Variants in MEDAG observed in about 807,000 individuals in gnomAD.
MEDAG encodes the protein mesenteric estrogen-dependent adipogenesis protein.
In MEDAG, 25 loss-of-function variants were observed where a neutral mutation model predicts 29.9. That is an observed-to-expected ratio of 0.84 (90% CI 0.61 to 1.17). MEDAG has a LOEUF of 1.17. Ranked by LOEUF, MEDAG falls within the 50% of genes most tolerant of loss-of-function variation. MEDAG has a pLI of 0.00. For synonymous variants in MEDAG, 158 were observed against 148.2 expected (o/e 1.07, Z -0.48); for missense variants, 398 against 372.9 (o/e 1.07, Z -0.56).
chr13:30,921,830 C>A lies in MEDAG; in HGVS notation c.771C>A (p.Phe257Leu). ...IRRSSFSDRK[F>L]SVTSRGSIDD... ...GGAGCAGTTTCTCTGACCGAAAGTT[C>A]AGTGTAACTTCCAGAGGTATGTTAA... The change falls in exon 4 of 5, where the codon TTC becomes TTA. Residue 257 changes from phenylalanine (F) to leucine (L), a missense_variant. Coordinates refer to ENST00000380482, the MANE Select transcript of MEDAG (RefSeq NM_032849.4). The A allele has an allele frequency of 6.2e-7, 1 of 1,607,348 alleles. No individual in the cohort carries two copies. Among genetic ancestry groups the A allele is most frequent in the South Asian group, 1.1e-5 (1 of 89,404 alleles).
chr13:30,917,451 T>C lies in MEDAG; in HGVS notation c.327T>C (p.Thr109=), dbSNP rs376316063. Residue 109 remains threonine (T), a synonymous_variant, in exon 2 of 5, where the codon ACT becomes ACC. Transcript: ENST00000380482. The part of the protein sequence containing the change: ...NYCDYKDYRE[T]ILSKPMLFFI... ...GTGATTATAAAGACTACAGGGAAAC[T>C]ATATTGAGCAAACCAATGTTGTTCT... The C allele has an allele frequency of 3.1e-6, 5 of 1,612,076 alleles. No individual in the cohort carries two copies. In the African/African-American group the frequency reaches 5.3e-5, roughly 17 times the overall value.
chr13:30,919,499 A>G (rs1359941835), intron 2 of MEDAG, among the ~76,000 whole-genome samples: 1 of 152,234 alleles, frequency 6.6e-6, no homozygotes, highest in Non-Finnish European at 1.5e-5. Flanking sequence ...GGTTTGGTTT[A>G]CATGAGATTT....
At chr13:30,910,193 A>AACACACACACACACACACAC (rs77242350) in intron 1 of MEDAG, among the ~76,000 whole-genome samples, 50 of 149,274 alleles carry the variant, frequency 3.3e-4, no homozygotes, top group East Asian at 1.4e-3. Context: ...CACACACACA[A>AACACACACACACACACACAC]ACACACACAC....
Position 30,924,531 on chromosome 13 carries a change from C to A in MEDAG, c.*96C>A. The A allele has an allele frequency of 7.7e-7, 1 of 1,293,354 alleles. No individual in the cohort carries two copies. The highest frequency in any genetic ancestry group is 1.1e-6 in the Non-Finnish European group (1 of 945,668). 80.1% of individuals were successfully genotyped at this position (1,293,354 alleles called of 1,614,324 possible). ...AGGAGGTGGGAGGCAGATACTTCCA[C>A]CTGCGTGTCAATCTCCGGCTCCTCC... On this transcript the variant is annotated 3_prime_UTR_variant, in exon 5 of 5. Coordinates refer to ENST00000380482, the MANE Select transcript of MEDAG (RefSeq NM_032849.4).
rs1953022681 is a variant in MEDAG, at chr13:30,924,510, G to T, written c.*75G>T. ...ACTATAGGCTGGGGGGAGGGTAGGA[G>T]GTGGGAGGCAGATACTTCCACCTGC... On this transcript the variant is annotated 3_prime_UTR_variant, in exon 5 of 5. Coordinates refer to ENST00000380482, the MANE Select transcript of MEDAG (RefSeq NM_032849.4). 2 of 1,468,342 alleles carry T rather than the reference G, an allele frequency of 1.4e-6. No homozygotes were observed. The highest frequency in any genetic ancestry group is 1.8e-6 in the Non-Finnish European group (2 of 1,091,980). The allele number at this position is 1,468,342 out of a possible 1,614,324, so 91.0% of individuals were successfully genotyped here. A position where few individuals can be genotyped will look rare whatever the true frequency, so the allele number is the denominator to read the frequency against.
intron 4 of MEDAG, 101 bp downstream of exon 4, chr13:30,921,947 A>G (rs1952991488): frequency 8.0e-7 from 1 of 1,245,522 alleles, no homozygotes; most frequent in Non-Finnish European, 1.1e-6. Context: ...AAGACCTATT[A>G]ATGAAAGGGA....
intron 4 of MEDAG, 124 bp from the exon 5 acceptor site, chr13:30,924,187 C>T: frequency 2.9e-6 from 3 of 1,017,222 alleles, no homozygotes; most frequent in Non-Finnish European, 4.2e-6. Flanking sequence ...TTGAATTTTT[C>T]TGAGGAAGCC....
rs1952830624 is a variant in MEDAG at position 30,906,528 on chromosome 13, G to T, written c.13G>T (p.Ala5Ser). 1 of 1,512,536 alleles carries T rather than the reference G, an allele frequency of 6.6e-7. No individual in the cohort carries two copies. Among genetic ancestry groups the T allele is most frequent in the South Asian group, 1.3e-5 (1 of 78,174 alleles). The allele number at this position is 1,512,536 out of a possible 1,614,324, so 93.7% of individuals were successfully genotyped here. Reference protein sequence around the residue: MAGAACEPVARPSLT... With the variant: MAGASCEPVARPSLT... ...CGACGACGCGGGCATGGCGGGGGCG[G>T]CCTGCGAGCCGGTGGCCAGGCCGAG... Residue 5 changes from alanine to serine, a missense_variant, in exon 1 of 5, where the codon GCC becomes TCC. Ala to Ser is a moderately conservative substitution (Grantham distance 99). Transcript: ENST00000380482.
At chr13:30,920,592 A>AC (rs902276560) in intron 2 of MEDAG, among the ~76,000 whole-genome samples, 3 of 119,908 alleles carry the variant, frequency 2.5e-5, no homozygotes, top group African/African-American at 1.0e-4. Flanking sequence ...TAAAAAAATA[A>AC]AAAAAAAAAA....
At chr13:30,915,574 T>C (rs1279859821) in intron 1 of MEDAG, among the ~76,000 whole-genome samples, 2 of 152,130 alleles carry the variant, frequency 1.3e-5, no homozygotes. Context: ...TTTCTTTCTC[T>C]AGTAACTTTT....
rs183310865 is a variant in MEDAG, at chr13:30,923,811, T to G, written c.788-500T>G. Among the ~76,000 whole-genome samples the G allele has an allele frequency of 3.0e-4, 46 of 152,314 alleles. 3 individuals are homozygous for G. In the South Asian group the frequency reaches 6.6e-3, roughly 22 times the overall value. ...CATTTGAAGTTAAGCAGTGCTTCCT[T>G]GAAAGTTTACTCTAAGCTGGCTCTG... On this transcript the variant is annotated intron_variant, in intron 4 of 4. Transcript: ENST00000380482.
rs140422245 is a variant in MEDAG at position 30,918,632 on chromosome 13, C to T, written c.388+1120C>T. Among the ~76,000 whole-genome samples, 364 of 152,288 alleles carry T rather than the reference C, an allele frequency of 2.4e-3. 2 individuals are homozygous for T. Among genetic ancestry groups the T allele is most frequent in the African/African-American group, 8.3e-3 (344 of 41,552 alleles). ...TATGTGGGGGAAGTCATGGGCATAA[C>T]GTTCTGTAATAGAAGTAGAATTTCT... On this transcript the variant is annotated intron_variant, in intron 2 of 4. Coordinates refer to ENST00000380482, the MANE Select transcript of MEDAG (RefSeq NM_032849.4).
intron 2 of MEDAG, among the ~76,000 whole-genome samples, chr13:30,918,251 A>T (rs765062443): frequency 3.3e-5 from 5 of 152,208 alleles, no homozygotes; most frequent in Non-Finnish European, 7.3e-5. Context: ...AATGTAATGG[A>T]TCACCACAAC....
At chr13:30,924,256 G>A (rs914631778) in intron 4 of MEDAG, 55 bp from the exon 5 acceptor site, 2 of 1,488,388 alleles carry the variant, frequency 1.3e-6, no homozygotes, top group South Asian at 2.6e-5. Flanking sequence ...GGCACTGTTG[G>A]TTTTTTTTTC....
intron 2 of MEDAG, among the ~76,000 whole-genome samples, chr13:30,918,109 A>G (rs1455408809): frequency 6.6e-6 from 1 of 152,092 alleles, no homozygotes; most frequent in East Asian, 1.9e-4. Context: ...CTTCTTTTCT[A>G]CTTCTTGCCT....
At chr13:30,908,410 G>A (rs1343509373) in intron 1 of MEDAG, among the ~76,000 whole-genome samples, 1 of 152,214 alleles carries the variant, frequency 6.6e-6, no homozygotes, top group East Asian at 1.9e-4. Flanking sequence ...GGTGATGGAA[G>A]GAGCTATCTA....
intron 1 of MEDAG, among the ~76,000 whole-genome samples, chr13:30,915,651 G>A (rs4943469): frequency 0.05 from 7,583 of 150,596 alleles, 230 homozygotes; most frequent in Middle Eastern, 0.15. Context: ...TGCAACACCA[G>A]CACCACTCCC....
rs762883125 is a variant in MEDAG, at chr13:30,921,700, T to C, written c.641T>C (p.Val214Ala). 2 of 1,613,934 alleles carry C rather than the reference T, an allele frequency of 1.2e-6. No homozygotes were observed. The highest frequency in any genetic ancestry group is 1.3e-5 in the African/African-American group (1 of 74,922). ...FFYWFGLSNS[V>A]VKVNGKVLNL... ...TATTGGTTTGGGCTCAGTAATTCCG[T>C]TGTAAAAGTAAATGGAAAAGTTCTG... is the stretch of plus-strand genomic sequence containing the variant. Residue 214 changes from valine to alanine, a missense_variant, in exon 4 of 5, where the codon GTT (valine) becomes GCT (alanine). Val to Ala is a moderately conservative substitution (Grantham distance 64). Coordinates refer to ENST00000380482, the MANE Select transcript of MEDAG (RefSeq NM_032849.4).
At chr13:30,921,945 T>C in intron 4 of MEDAG, 99 bp downstream of exon 4, 2 of 1,272,354 alleles carry the variant, frequency 1.6e-6, no homozygotes, top group East Asian at 2.4e-5. Flanking sequence ...GCAAGACCTA[T>C]TAATGAAAGG....
Sources: allele counts gnomAD v4.1 joint callset (sites outside exome capture counted in the v4.1 genomes callset), GRCh38; gene constraint gnomAD v4.1.1; transcripts MANE v1.5; gene names NCBI Gene and HGNC (gene_info 2026-07-23, HGNC 2026-07-21).